Variants in RORA observed in about 807,000 individuals in gnomAD.
The protein encoded by RORA is RAR related orphan receptor A, also known as nuclear receptor ROR-alpha.
RORA carries 7 observed loss-of-function variants against 69.5 expected under a neutral mutation model. That is an observed-to-expected ratio of 0.10 (90% CI 0.06 to 0.19). RORA has a LOEUF of 0.19. RORA is among the 10% of genes least tolerant of loss of function. The pLI, the probability that RORA is intolerant of heterozygous loss-of-function variation, is 1.00. For synonymous variants in RORA, 261 were observed against 240.8 expected (o/e 1.08, Z -0.78); for missense variants, 457 against 663.0 (o/e 0.69, Z 3.41).
At chr15:60,815,331 TC>T (rs1158670928) in intron 1 of RORA, among the ~76,000 whole-genome samples, 1 of 152,178 alleles carries the variant, frequency 6.6e-6, no homozygotes, top group African/African-American at 2.4e-5. Context: ...TATAAATGTC[TC>T]TCCCTGGCAA....
intron 1 of RORA, among the ~76,000 whole-genome samples, chr15:61,136,625 G>A (rs560272493): frequency 1.3e-5 from 2 of 152,306 alleles, no homozygotes; most frequent in South Asian, 4.1e-4. Context: ...GAAACAAGAA[G>A]TGGAGACGCA....
chr15:60,742,704 C>G (rs2071590516), intron 1 of RORA, among the ~76,000 whole-genome samples: 2 of 152,130 alleles, frequency 1.3e-5, no homozygotes, highest in African/African-American at 4.8e-5. Context: ...TTTTAAGATT[C>G]CACATATAAG....
intron 1 of RORA, among the ~76,000 whole-genome samples, chr15:61,158,927 G>A (rs895208784): frequency 2.0e-5 from 3 of 152,158 alleles, no homozygotes; most frequent in African/African-American, 7.2e-5. Context: ...TTTAACCAAG[G>A]ACAGAGGATA....
rs550562532 is a variant in RORA, at chr15:60,643,196, G to A, written c.196+35461C>T. Among the ~76,000 whole-genome samples the A allele has an allele frequency of 2.2e-3, 339 of 152,262 alleles. 2 individuals carry two copies. Among genetic ancestry groups the A allele is most frequent in the Non-Finnish European group, 3.4e-3 (231 of 68,014 alleles). ...ATACATACATACATGCACACATTAA[G>A]TTAAATTAAAAAGAAATCTTTTTAT... On this transcript the variant is annotated intron_variant, in intron 2 of 10. Transcript: ENST00000335670.
At chr15:60,883,180 G>GAGAGAGAGAGAA (rs141598376) in intron 1 of RORA, among the ~76,000 whole-genome samples, 24 of 113,992 alleles carry the variant, frequency 2.1e-4, no homozygotes, top group African/African-American at 8.1e-4. Context: ...GAGAGAGAGA[G>GAGAGAGAGAGAA]AGAAAGAAAG....
intron 1 of RORA, among the ~76,000 whole-genome samples, chr15:61,223,860 A>G (rs1190002479): frequency 6.6e-6 from 1 of 152,240 alleles, no homozygotes; most frequent in African/African-American, 2.4e-5. Flanking sequence ...CTGTGTATTA[A>G]TCAACACTTA....
chr15:60,830,376 G>C lies in RORA; in HGVS notation c.167-151690C>G, dbSNP rs535770696. On this transcript the variant is annotated intron_variant, in intron 1 of 10. Transcript: ENST00000335670. The stretch of plus-strand genomic sequence containing the variant: ...TAAAAATTTACAAAATTGGGATCAT[G>C]CTGCAGATGCAGTTTTAGATATTGA... Among the ~76,000 whole-genome samples, 13 of 152,278 alleles carry C rather than the reference G, an allele frequency of 8.5e-5. 1 individual carries two copies. The highest frequency in any genetic ancestry group is 5.2e-4 in the Admixed American group (8 of 15,294).
chr15:60,875,897 G>T (rs560097627), intron 1 of RORA, among the ~76,000 whole-genome samples: 9 of 152,274 alleles, frequency 5.9e-5, no homozygotes, highest in African/African-American at 1.9e-4. Flanking sequence ...CTGATGGCAG[G>T]CTCCAGTGGA....
At chr15:60,754,496 C>G (rs2071769141) in intron 1 of RORA, among the ~76,000 whole-genome samples, 1 of 152,142 alleles carries the variant, frequency 6.6e-6, no homozygotes. Context: ...AAATGGACAT[C>G]AAAAAATTAT....
chr15:60,557,031 AC>A, intron 2 of RORA: 1 of 923,304 alleles, frequency 1.1e-6, no homozygotes, highest in Non-Finnish European at 1.7e-6. Flanking sequence ...AGCAATAAGT[AC>A]CCAAAAAAGT....
intron 1 of RORA, among the ~76,000 whole-genome samples, chr15:61,013,242 C>T (rs1156719209): frequency 2.6e-5 from 4 of 152,320 alleles, no homozygotes; most frequent in East Asian, 1.9e-4. Context: ...AAATCCAGCT[C>T]GTCACATCTT....
At chr15:60,979,286 TTTTTTC>T (rs796129561) in intron 1 of RORA, among the ~76,000 whole-genome samples, 7,488 of 132,024 alleles carry the variant, frequency 0.057, 720 homozygotes, top group African/African-American at 0.19. Context: ...TTTTTTTTTT[TTTTTTC>T]CAAGAATATT....
intron 1 of RORA, among the ~76,000 whole-genome samples, chr15:60,891,623 AG>A (rs2073813723): frequency 6.6e-6 from 1 of 152,246 alleles, no homozygotes; most frequent in Non-Finnish European, 1.5e-5. Context: ...TAGGACAGTC[AG>A]TGAACTGCAC....
intron 1 of RORA, among the ~76,000 whole-genome samples, chr15:61,215,870 C>T (rs916314453): frequency 3.3e-5 from 5 of 152,164 alleles, no homozygotes; most frequent in Non-Finnish European, 4.4e-5. Context: ...AAAATAGATG[C>T]TTAATGGTGT....
In RORA at chr15:60,837,672, C is replaced by T. The variant is rs536911068; in HGVS notation, c.167-158986G>A. On this transcript the variant is annotated intron_variant, in intron 1 of 10. Coordinates refer to ENST00000335670, the MANE Select transcript of RORA (RefSeq NM_134261.3). ...CCCTTGGTTTCCCTGTTGAACACAG[C>T]CTTGTGCACCATTTCCCCCGCTAAA... Among the ~76,000 whole-genome samples the T allele has an allele frequency of 1.2e-4, 19 of 152,340 alleles. No homozygotes were observed. In the South Asian group the frequency reaches 3.3e-3, roughly 27 times the overall value.
intron 1 of RORA, among the ~76,000 whole-genome samples, chr15:60,752,846 A>G (rs562665641): frequency 6.6e-6 from 1 of 152,200 alleles, no homozygotes; most frequent in African/African-American, 2.4e-5. Context: ...GAAAGAAACA[A>G]ACTGTACCTT....
intron 1 of RORA, among the ~76,000 whole-genome samples, chr15:60,870,697 C>A (rs1232638753): frequency 6.6e-6 from 1 of 152,230 alleles, no homozygotes; most frequent in Non-Finnish European, 1.5e-5. Flanking sequence ...TGGACAATGG[C>A]CTGCATCTTC....
At chr15:60,561,494 A>T (rs1408382068) in intron 2 of RORA, among the ~76,000 whole-genome samples, 1 of 152,142 alleles carries the variant, frequency 6.6e-6, no homozygotes, top group Non-Finnish European at 1.5e-5. Flanking sequence ...TAACTCTGAA[A>T]CTAACATTAA....
At chr15:60,872,192 T>C (rs1432411418) in intron 1 of RORA, among the ~76,000 whole-genome samples, 1 of 152,174 alleles carries the variant, frequency 6.6e-6, no homozygotes, top group African/African-American at 2.4e-5. Flanking sequence ...GCTGTGATCT[T>C]GCATTGGCCA....
Sources: gnomAD v4.1 joint callset for allele counts (sites outside exome capture counted in the v4.1 genomes callset) on GRCh38, gnomAD v4.1.1 for gene constraint, MANE v1.5 for transcripts, NCBI Gene and HGNC (gene_info 2026-07-23, HGNC 2026-07-21) for gene names.